Variants in KPNA7 observed in about 807,000 individuals in gnomAD.
The protein encoded by KPNA7 is importin subunit alpha-8.
In KPNA7, 54 loss-of-function variants were observed where a neutral mutation model predicts 53.7. The observed-to-expected ratio is 1.01, with a 90% CI of 0.81 to 1.26. KPNA7 has a LOEUF of 1.26. Ranked by LOEUF, KPNA7 falls within the 50% of genes most tolerant of loss-of-function variation. The pLI, the probability that KPNA7 is intolerant of heterozygous loss-of-function variation, is 0.00. For synonymous variants in KPNA7, 276 were observed against 259.3 expected (o/e 1.06, Z -0.62); for missense variants, 640 against 644.5 (o/e 0.99, Z 0.07).
chr7:99,205,589 C>T (rs1293831287), intron 2 of KPNA7, among the ~76,000 whole-genome samples: 3 of 152,248 alleles, frequency 2.0e-5, no homozygotes, highest in Admixed American at 6.5e-5. Context: ...GTGGCTCATG[C>T]CAGTAATCCC....
Position 99,206,327 on chromosome 7 carries a change from A to AT in KPNA7, c.66+1073dup, listed in dbSNP as rs1280245104. On this transcript the variant is annotated intron_variant, in intron 2 of 10. Coordinates refer to ENST00000327442, the MANE Select transcript of KPNA7 (RefSeq NM_001145715.3). ...AGGCCCCCGCCACCATGCACATCTA[A>AT]TTTTTTGTATTCTTAGTACAGACAG... 1.1e-4 allele frequency among the ~76,000 whole-genome samples: 17 copies of AT among 151,940 alleles called. 1 individual carries two copies. Among genetic ancestry groups the AT allele is most frequent in the Non-Finnish European group, 2.9e-5 (2 of 67,958 alleles).
chr7:99,191,433 CCT>C (rs1789948854), intron 6 of KPNA7, among the ~76,000 whole-genome samples: 1 of 152,042 alleles, frequency 6.6e-6, no homozygotes, highest in Admixed American at 6.6e-5. Flanking sequence ...CCGCATCCGG[CCT>C]CTCTCTGCTA....
the KPNA7 span, among the ~76,000 whole-genome samples, chr7:99,160,024 T>TTTG: frequency 5.1e-5 from 4 of 78,016 alleles, no homozygotes; most frequent in African/African-American, 1.4e-4. Context: ...TTTGTTTTTT[T>TTTG]TTTTTTTTTT....
intron 1 of KPNA7, among the ~76,000 whole-genome samples, chr7:99,213,130 A>G (rs1584325521): frequency 7.1e-6 from 1 of 141,132 alleles, no homozygotes; most frequent in African/African-American, 2.6e-5. Flanking sequence ...GCCAAAAGGG[A>G]TTTTTTTTTT....
At chr7:99,199,408 T>G (rs1424398002) in intron 3 of KPNA7, among the ~76,000 whole-genome samples, 1 of 152,164 alleles carries the variant, frequency 6.6e-6, no homozygotes, top group Non-Finnish European at 1.5e-5. Context: ...TATAGATCAA[T>G]GGAAGAGAAC....
At chr7:99,212,266 C>T (rs1055195831), upstream of KPNA7, among the ~76,000 whole-genome samples, 2 of 80,546 alleles carry the variant, frequency 2.5e-5, no homozygotes, top group Non-Finnish European at 4.5e-5. Context: ...TTTTTTGAGA[C>T]AGAGTTTCAT....
At chr7:99,165,546 T>A in the KPNA7 span, among the ~76,000 whole-genome samples, 2 of 152,192 alleles carry the variant, frequency 1.3e-5, no homozygotes, top group African/African-American at 4.8e-5. Context: ...AATCATAGAC[T>A]TGCTGTCATC....
intron 3 of KPNA7, 121 bp from the exon 4 acceptor site, chr7:99,196,287 A>G: frequency 1.5e-6 from 1 of 671,188 alleles, no homozygotes; most frequent in Non-Finnish European, 2.7e-6. Context: ...CCCATCTTGC[A>G]TGCTGTTCTA....
intron 3 of KPNA7, among the ~76,000 whole-genome samples, chr7:99,197,927 C>T (rs1014623046): frequency 6.6e-6 from 1 of 151,802 alleles, no homozygotes; most frequent in Admixed American, 6.6e-5. Context: ...AGATAATGGC[C>T]AAAGAAATTC....
intron 2 of KPNA7, among the ~76,000 whole-genome samples, chr7:99,203,612 T>C (rs1393235563): frequency 6.6e-6 from 1 of 151,992 alleles, no homozygotes; most frequent in Admixed American, 6.6e-5. Flanking sequence ...ACCCAGGCCT[T>C]TTCGGTGGTG....
chr7:99,170,822 G>A (rs186908874), downstream of KPNA7, among the ~76,000 whole-genome samples: 8 of 152,292 alleles, frequency 5.3e-5, no homozygotes, highest in Admixed American at 3.9e-4. Context: ...AATCAGAGTA[G>A]AAGACTTTGA....
the KPNA7 span, among the ~76,000 whole-genome samples, chr7:99,151,458 G>T: frequency 1.0e-4 from 15 of 147,446 alleles, no homozygotes; most frequent in East Asian, 2.0e-3. Context: ...TTTGTTTTTG[G>T]TTTTTTTTTT....
chr7:99,218,298 A>G (rs1030362328), intron 1 of KPNA7, among the ~76,000 whole-genome samples: 6 of 151,300 alleles, frequency 4.0e-5, no homozygotes, highest in African/African-American at 1.5e-4. Context: ...ATTTTTTCAA[A>G]TTTTTTTTTC....
At chr7:99,218,990 C>G (rs545406950) in intron 1 of KPNA7, among the ~76,000 whole-genome samples, 2 of 152,276 alleles carry the variant, frequency 1.3e-5, no homozygotes, top group African/African-American at 4.8e-5. Flanking sequence ...GCCCCTTGGT[C>G]AGCCTTAAAT....
chr7:99,147,939 C>T, the KPNA7 span, among the ~76,000 whole-genome samples: 2 of 151,672 alleles, frequency 1.3e-5, no homozygotes, highest in African/African-American at 4.8e-5. Flanking sequence ...ATGGCTTGAG[C>T]CCAGTAGCGC....
the KPNA7 span, among the ~76,000 whole-genome samples, chr7:99,152,357 C>CAA: frequency 1.6e-3 from 169 of 103,116 alleles, 2 homozygotes; most frequent in South Asian, 0.017. Context: ...GACTCCGTCT[C>CAA]AAAAAAAAAA....
intron 9 of KPNA7, among the ~76,000 whole-genome samples, chr7:99,179,558 AAT>A (rs34519884): frequency 1.5e-4 from 22 of 150,316 alleles, no homozygotes; most frequent in Non-Finnish European, 3.1e-4. Context: ...CCTGTTTCAA[AAT>A]ATATATATAT....
chr7:99,182,300 C>T lies in KPNA7; in HGVS notation c.1135-235G>A, dbSNP rs964400874. ...GCAATCTCCGCCTCCCAGGTTCAAG[C>T]GATTCTCCTGCCTCAGCCTCCTGAG... On this transcript the variant is annotated intron_variant, in intron 8 of 10. Coordinates refer to ENST00000327442, the MANE Select transcript of KPNA7 (RefSeq NM_001145715.3). Among the ~76,000 whole-genome samples, 4 of 152,198 alleles carry T rather than the reference C, an allele frequency of 2.6e-5. No homozygotes were observed. In the East Asian group the frequency reaches 7.7e-4, roughly 29 times the overall value.
At chr7:99,164,041 T>G in the KPNA7 span, among the ~76,000 whole-genome samples, 146,339 of 150,218 alleles carry the variant, frequency 0.97, 71,388 homozygotes, top group East Asian at 1. Context: ...CTGTTGGTGG[T>G]ACTGTAAACT....
Sources: allele counts gnomAD v4.1 joint callset (sites outside exome capture counted in the v4.1 genomes callset), GRCh38; gene constraint gnomAD v4.1.1; transcripts MANE v1.5; gene names NCBI Gene and HGNC (gene_info 2026-07-23, HGNC 2026-07-21).